The following DNHD1 variants were observed in gnomAD, a reference collection of about 807,000 sequenced individuals.
DNHD1 encodes dynein heavy chain domain-containing protein 1.
DNHD1 carries 383 observed loss-of-function variants against 458.1 expected under a neutral mutation model. The ratio of observed to expected loss-of-function variants is 0.84; its 90% CI spans 0.77 to 0.91. The LOEUF (loss-of-function observed/expected upper bound fraction) is 0.91, where lower values mean the gene tolerates loss of function less well. Among genes scored for constraint, DNHD1 ranks in the 40% least tolerant of loss-of-function variants. The pLI, the probability that DNHD1 is intolerant of heterozygous loss-of-function variation, is 0.00. For missense variants in DNHD1, 5,336 were observed against 5,866.1 expected, an observed-to-expected ratio of 0.91 and a Z score of 2.95; for synonymous variants, 2,203 against 2,376.9, an observed-to-expected ratio of 0.93 and a Z score of 2.13.
At position 6,545,686 on chromosome 11, in the gene DNHD1, G is replaced by A; in HGVS notation, c.4747G>A (p.Asp1583Asn). 6.4e-7 allele frequency: 1 copy of A among 1,551,726 alleles called. No homozygotes were observed. Among genetic ancestry groups the A allele is most frequent in the Non-Finnish European group, 8.7e-7 (1 of 1,147,002 alleles). ...ALLVMAVTHR[D>N]IAQLLEQHQV... Reference sequence around the variant, plus strand: ...GCTGGTCATGGCAGTGACTCACCGGGATATAGCACAGCTGCTGGAACAGCA... The same window carrying A: ...GCTGGTCATGGCAGTGACTCACCGGAATATAGCACAGCTGCTGGAACAGCA... Residue 1583 changes from aspartate to asparagine, a missense_variant, in exon 21 of 43, where the codon GAT (aspartate) becomes AAT (asparagine). Coordinates refer to ENST00000254579, the MANE Select transcript of DNHD1 (RefSeq NM_144666.3). This position sits in a 1 kb window ranked among gnomAD's most constrained non-coding sequence, Gnocchi z 4.9.
intron 3 of DNHD1, 21 bp downstream of exon 3, chr11:6,498,982 A>G: frequency 1.3e-6 from 2 of 1,567,448 alleles, no homozygotes; most frequent in Non-Finnish European, 1.7e-6. Context: ...GACTCAGTCT[A>G]GGGCTTGAGC....
At chr11:6,562,444 C>T (rs1853605291) in intron 28 of DNHD1, among the ~76,000 whole-genome samples, 1 of 151,982 alleles carries the variant, frequency 6.6e-6, no homozygotes, top group Non-Finnish European at 1.5e-5. Context: ...AGAGATTTGG[C>T]AGTTGGAACG....
At position 6,545,186 on chromosome 11, in the gene DNHD1, A is replaced by G. The variant is rs533712071; in HGVS notation, c.4247A>G (p.Gln1416Arg). 2.4e-4 allele frequency: 365 copies of G among 1,552,028 alleles called. 7 individuals are homozygous for G. In the South Asian group the frequency reaches 4.1e-3, roughly 17 times the overall value. Residue 1416 changes from glutamine (Q) to arginine (R), a missense_variant, in exon 21 of 43, where the codon CAG (glutamine) becomes CGG (arginine). This residue lies in a region of DNHD1 where 3,932 missense variants were observed against 4,365.6 expected (regional missense o/e 0.90). Coordinates refer to ENST00000254579, the MANE Select transcript of DNHD1 (RefSeq NM_144666.3). The surrounding 1 kb of genome is among the most constrained non-coding windows in gnomAD (Gnocchi z 4.9). ...TDDWESSPNT[Q>R]TQVEALAVLG... ...GACTGGGAGTCAAGCCCAAACACAC[A>G]GACTCAGGTGGAGGCACTTGCAGTG...
At chr11:6,523,070 A>AG (rs1485319059) in intron 10 of DNHD1, among the ~76,000 whole-genome samples, 3 of 152,218 alleles carry the variant, frequency 2.0e-5, no homozygotes, top group Non-Finnish European at 2.9e-5. Flanking sequence ...GTCAGGTGTC[A>AG]GATTCAAAAA....
chr11:6,538,566 G>A, intron 15 of DNHD1, 46 bp from the exon 16 acceptor site: 1 of 1,551,028 alleles, frequency 6.4e-7, no homozygotes, highest in Non-Finnish European at 8.7e-7. Flanking sequence ...ACAGTGGTGG[G>A]GGAGGGGAAG....
chr11:6,529,180 C>T, intron 12 of DNHD1, 59 bp downstream of exon 12: 1 of 1,532,000 alleles, frequency 6.5e-7, no homozygotes, highest in East Asian at 2.5e-5. Flanking sequence ...ATTCACATGG[C>T]CTGCCTTGGT....
At chr11:6,531,536 A>AAACG (rs1852828717) in intron 12 of DNHD1, among the ~76,000 whole-genome samples, 1 of 152,092 alleles carries the variant, frequency 6.6e-6, no homozygotes, top group Non-Finnish European at 1.5e-5. Context: ...ACAAACAAAC[A>AAACG]AACAAACAAG....
In DNHD1 at chr11:6,556,881, G is replaced by T; in HGVS notation, c.7586G>T (p.Ser2529Ile). 3.2e-6 allele frequency: 5 copies of T among 1,551,698 alleles called. No homozygotes were observed. The highest frequency in any genetic ancestry group is 4.4e-6 in the Non-Finnish European group (5 of 1,147,000). ...CTCTTCACAGTCCTGGCCCTGGAAA[G>T]CATGACCCAGGCCACCCTGCTGGAA... is the stretch of plus-strand genomic sequence containing the variant. ...FRLFTVLALESMTQATLLERH... is the reference protein window; with the variant it reads ...FRLFTVLALEIMTQATLLERH... Residue 2529 changes from serine (S) to isoleucine (I), a missense_variant, in exon 25 of 43, where the codon AGC (serine) becomes ATC (isoleucine). This residue lies in a region of DNHD1 where 3,932 missense variants were observed against 4,365.6 expected (regional missense o/e 0.90). Transcript: ENST00000254579.
At chr11:6,521,443 T>C (rs552936625) in intron 10 of DNHD1, among the ~76,000 whole-genome samples, 81 of 152,312 alleles carry the variant, frequency 5.3e-4, no homozygotes, top group African/African-American at 1.9e-3. Flanking sequence ...TCACCTACCA[T>C]GTCTTAGGTT....
In DNHD1 at chr11:6,571,863, G is replaced by A; in HGVS notation, c.14139G>A (p.Gly4713=). The change falls in exon 43 of 43, where the codon GGG becomes GGA. Residue 4713 remains glycine (G), a synonymous_variant. Transcript: ENST00000254579. The surrounding 1 kb of genome is among the most constrained non-coding windows in gnomAD (Gnocchi z 5.0). ...ACTCGTGTCCTGTGTACATGGGAGG[G>A]CCCCTTGGCACCGCTAAGCTGCAGA... is the stretch of plus-strand genomic sequence containing the variant. ...TVYSCPVYMG[G]PLGTAKLQSR... The A allele has an allele frequency of 6.2e-7, 1 of 1,614,012 alleles. No individual in the cohort carries two copies. Among genetic ancestry groups the A allele is most frequent in the Middle Eastern group, 1.6e-4 (1 of 6,062 alleles).
rs1433918485 is a variant in DNHD1 at position 6,559,194 on chromosome 11, T to C, written c.9430T>C (p.Leu3144=). ...KNKAQRVQNA[L]ENLRMLIKEH... Reference sequence around the variant, plus strand: ...TTGTATCTCCAGGGTCCAGAATGCCTTGGAGAATCTGAGAATGCTGATTAA... The same window carrying C: ...TTGTATCTCCAGGGTCCAGAATGCCCTGGAGAATCTGAGAATGCTGATTAA... The change falls in exon 28 of 43, where the codon TTG becomes CTG. Residue 3144 remains leucine (L), a synonymous_variant. Coordinates refer to ENST00000254579, the MANE Select transcript of DNHD1 (RefSeq NM_144666.3). The C allele has an allele frequency of 1.9e-6, 3 of 1,551,560 alleles. No individual in the cohort carries two copies. The highest frequency in any genetic ancestry group is 2.4e-5 in the South Asian group (2 of 84,064).
At chr11:6,560,723 T>A (rs1292610568) in intron 28 of DNHD1, among the ~76,000 whole-genome samples, 1 of 152,144 alleles carries the variant, frequency 6.6e-6, no homozygotes, top group Non-Finnish European at 1.5e-5. Flanking sequence ...AGTGTGTACT[T>A]CTTCCAGTGT....
Position 6,548,835 on chromosome 11 carries a change from T to C in DNHD1, c.7289T>C (p.Ile2430Thr). ...SHLRLLLSRG[I>T]QGQTQASPQP... is the part of the protein sequence containing the mutation. The stretch of plus-strand genomic sequence containing the variant: ...CTCCGTCTCCTGCTGAGCAGAGGAA[T>C]CCAGGGCCAAACACAAGCCAGCCCA... The change falls in exon 24 of 43, where the codon ATC (isoleucine) becomes ACC (threonine). Residue 2430 changes from isoleucine (I) to threonine (T), a missense_variant. Physicochemically the swap from Ile to Thr is moderately conservative, Grantham distance 89. Transcript: ENST00000254579. The surrounding 1 kb of genome is among the most constrained non-coding windows in gnomAD (Gnocchi z 4.4). The C allele has an allele frequency of 6.4e-7, 1 of 1,551,594 alleles. No homozygotes were observed. Among genetic ancestry groups the C allele is most frequent in the Non-Finnish European group, 8.7e-7 (1 of 1,146,968 alleles).
Position 6,557,954 on chromosome 11 carries a change from C to G in DNHD1, c.8659C>G (p.Leu2887Val). 1 of 1,551,668 alleles carries G rather than the reference C, an allele frequency of 6.4e-7. No homozygotes were observed. Among genetic ancestry groups the G allele is most frequent in the Non-Finnish European group, 8.7e-7 (1 of 1,146,996 alleles). ...RVLARPRQHG[L>V]LLSGALGTGR... ...GCTGGCCAGGCCCCGGCAGCATGGC[C>G]TGCTGCTCTCGGGGGCTCTGGGTAC... The change falls in exon 25 of 43, where the codon CTG becomes GTG. Residue 2887 changes from leucine to valine, a missense_variant. By Grantham distance (32) the Leu-to-Val change is conservative. Transcript: ENST00000254579.
chr11:6,544,190 AG>A lies in DNHD1; in HGVS notation c.3699del (p.Lys1233AsnfsTer5). 1.3e-6 allele frequency: 2 copies of A among 1,551,602 alleles called. No individual in the cohort carries two copies. The highest frequency in any genetic ancestry group is 1.7e-6 in the Non-Finnish European group (2 of 1,146,958). ...TTGTCCAAGATCTTGGCCATCGAAA[AG>A]TCAGGAGATTTAAACAAAATAGCTT... ...QVLSKILAIEKSGDLNKIALE... is the reference protein window; with the variant it reads ...QVLSKILAIEXSGDLNKIALE... On this transcript the variant is annotated frameshift_variant, in exon 19 of 43. Coordinates refer to ENST00000254579, the MANE Select transcript of DNHD1 (RefSeq NM_144666.3).
At chr11:6,542,736 T>C (rs1270129469) in intron 18 of DNHD1, among the ~76,000 whole-genome samples, 7 of 152,232 alleles carry the variant, frequency 4.6e-5, no homozygotes. Flanking sequence ...GTTACAGGAT[T>C]GGGCACACCT....
intron 4 of DNHD1, among the ~76,000 whole-genome samples, chr11:6,506,168 T>C (rs192391434): frequency 8.5e-5 from 13 of 152,260 alleles, no homozygotes; most frequent in Middle Eastern, 3.4e-3. Context: ...TTCCTCTCAA[T>C]ATAAAGGTAG....
At chr11:6,509,459 T>C (rs1280865213) in intron 6 of DNHD1, among the ~76,000 whole-genome samples, 187 bp downstream of exon 6, 1 of 152,228 alleles carries the variant, frequency 6.6e-6, no homozygotes. Flanking sequence ...ATACACAAAA[T>C]GTGATCATAC....
intron 24 of DNHD1, 41 bp from the exon 25 acceptor site, chr11:6,556,642 G>T: frequency 6.7e-7 from 1 of 1,491,046 alleles, no homozygotes; most frequent in South Asian, 1.3e-5. Context: ...CTCTCATGTG[G>T]ACTTTTACAT....
Sources: allele counts gnomAD v4.1 joint callset (sites outside exome capture counted in the v4.1 genomes callset), GRCh38; gene constraint gnomAD v4.1.1; regional missense constraint gnomAD v4.1.1; non-coding constraint Gnocchi (gnomAD v3.1); transcripts MANE v1.5; gene names NCBI Gene and HGNC (gene_info 2026-07-23, HGNC 2026-07-21).